Variants in PTCH1 observed in about 807,000 individuals in gnomAD.
The protein encoded by PTCH1 is protein patched homolog 1.
PTCH1 carries 14 observed loss-of-function variants against 144.6 expected under a neutral mutation model. That is an observed-to-expected ratio of 0.10 (90% CI 0.06 to 0.15). PTCH1 has a LOEUF of 0.15. PTCH1 is among the 10% of genes least tolerant of loss of function. PTCH1 has a pLI of 1.00. For missense variants in PTCH1, 1,623 were observed against 1,948.3 expected, an observed-to-expected ratio of 0.83 and a Z score of 3.14; for synonymous variants, 833 against 793.6, an observed-to-expected ratio of 1.05 and a Z score of -0.83.
chr9:95,506,779 G>C, intron 1 of PTCH1, 180 bp from the exon 2 acceptor site: 3 of 1,074,458 alleles, frequency 2.8e-6, no homozygotes, highest in Non-Finnish European at 3.6e-6. Context: ...GGGGGGCTCG[G>C]TCATAAAGCC....
Position 95,476,305 on chromosome 9 carries a change from T to C in PTCH1, c.1603-146A>G. ...ATTAGGGAAACAGAGCCACCTGCCTTACCCCCTAACACCAGCATTATTCAG... is the reference window on the plus strand; with the variant it reads ...ATTAGGGAAACAGAGCCACCTGCCTCACCCCCTAACACCAGCATTATTCAG... On this transcript the variant is annotated intron_variant, in intron 11 of 23. Coordinates refer to ENST00000331920, the MANE Select transcript of PTCH1 (RefSeq NM_000264.5). This position sits in a 1 kb window ranked among gnomAD's most constrained non-coding sequence, Gnocchi z 4.6. The C allele has an allele frequency of 8.6e-7, 1 of 1,163,972 alleles. No individual in the cohort carries two copies. The highest frequency in any genetic ancestry group is 1.2e-6 in the Non-Finnish European group (1 of 809,698). 72.1% of individuals were successfully genotyped at this position (1,163,972 alleles called of 1,614,324 possible).
intron 16 of PTCH1, 76 bp from the exon 17 acceptor site, chr9:95,459,859 A>T: frequency 6.7e-7 from 1 of 1,502,964 alleles, no homozygotes; most frequent in Non-Finnish European, 9.2e-7. Flanking sequence ...AGAGCACAGA[A>T]GCTGAGCTTC....
At chr9:95,461,492 T>C (rs376313773) in intron 16 of PTCH1, among the ~76,000 whole-genome samples, 29 of 152,302 alleles carry the variant, frequency 1.9e-4, no homozygotes, top group African/African-American at 6.5e-4. Context: ...CAAGCTTGAA[T>C]ACCATCAAGA....
In PTCH1 at chr9:95,449,158, G is replaced by A. The variant is rs758411912; in HGVS notation, c.3715C>T (p.Arg1239Trp). ...TTVSGLSEEL[R>W]HYEAQQGAGG... is the part of the protein sequence containing the mutation. ...GCGCCCTGCTGGGCCTCGTAGTGCC[G>A]AAGCTCCTCGCTGAGGCCTGACACT... Residue 1239 changes from arginine (R) to tryptophan (W), a missense_variant, in exon 22 of 24, where the codon CGG (arginine) becomes TGG (tryptophan). Physicochemically the swap from Arg to Trp is moderately radical, Grantham distance 101 (BLOSUM62 -3). Around this residue, in one of 7 missense-constraint regions of PTCH1, gnomAD observed 504 missense variants for 679.3 expected, o/e 0.74. Coordinates refer to ENST00000331920, the MANE Select transcript of PTCH1 (RefSeq NM_000264.5). This position sits in a 1 kb window ranked among gnomAD's most constrained non-coding sequence, Gnocchi z 5.3. 14 of 1,613,414 alleles carry A rather than the reference G, an allele frequency of 8.7e-6. No individual in the cohort carries two copies. The highest frequency in any genetic ancestry group is 1.1e-5 in the South Asian group (1 of 90,934).
intron 22 of PTCH1, among the ~76,000 whole-genome samples, chr9:95,448,517 G>A (rs894144586): frequency 6.6e-6 from 1 of 152,172 alleles, no homozygotes; most frequent in African/African-American, 2.4e-5. Flanking sequence ...CTCAGGGGTG[G>A]TTCTTGGCCT....
chr9:95,453,276 C>A, intron 20 of PTCH1: 1 of 638,526 alleles, frequency 1.6e-6, no homozygotes, highest in South Asian at 1.8e-5. Context: ...GGATTACAGG[C>A]ACCCACCACC....
chr9:95,447,481 T>C (rs758788475), intron 22 of PTCH1, 30 bp from the exon 23 acceptor site: 2 of 1,522,996 alleles, frequency 1.3e-6, no homozygotes, highest in Admixed American at 2.1e-5. Context: ...GTTAGAAGGG[T>C]GGTATCCCAG....
At position 95,449,021 on chromosome 9, in the gene PTCH1, C is replaced by G. The variant is rs141443540; in HGVS notation, c.3804+48G>C. ...AGCCCCCGCTGGACCTCCAGGCCCACTACCACGGTGGGAAGACCCCTCCCC... is the reference window on the plus strand; with the variant it reads ...AGCCCCCGCTGGACCTCCAGGCCCAGTACCACGGTGGGAAGACCCCTCCCC... On this transcript the variant is annotated intron_variant, in intron 22 of 23. Coordinates refer to ENST00000331920, the MANE Select transcript of PTCH1 (RefSeq NM_000264.5). This position sits in a 1 kb window ranked among gnomAD's most constrained non-coding sequence, Gnocchi z 5.3. 1.1e-3 allele frequency: 1,731 copies of G among 1,611,202 alleles called. 2 individuals are homozygous for G. The highest frequency in any genetic ancestry group is 1.3e-3 in the Non-Finnish European group (1,473 of 1,177,762).
chr9:95,516,224 G>A (rs1844356222), intron 1 of PTCH1, among the ~76,000 whole-genome samples: 1 of 149,254 alleles, frequency 6.7e-6, no homozygotes, highest in South Asian at 2.1e-4. Context: ...GGCTGGCCTC[G>A]GGGGCGGGGG....
Position 95,447,019 on chromosome 9 carries a change from G to A in PTCH1, c.4237C>T (p.His1413Tyr), listed in dbSNP as rs772886108. Residue 1413 changes from histidine (H) to tyrosine (Y), a missense_variant, in exon 23 of 24, where the codon CAC (histidine) becomes TAC (tyrosine). Physicochemically the swap from His to Tyr is moderately conservative, Grantham distance 83. This residue lies in a region of PTCH1 where 291 missense variants were observed against 287.4 expected (regional missense o/e 1.01). Coordinates refer to ENST00000331920, the MANE Select transcript of PTCH1 (RefSeq NM_000264.5). ...ETDHGLFEDP[H>Y]VPFHVRCERR... ...TCACACCGGACGTGGAAAGGCACGT[G>A]GGGGTCCTCAAACAGGCCGTGGTCA... 3.7e-6 allele frequency: 6 copies of A among 1,614,242 alleles called. 1 individual carries two copies. The South Asian group carries it at 6.6e-5, about 18-fold the overall frequency.
In PTCH1 at chr9:95,476,188, G is replaced by C; in HGVS notation, c.1603-29C>G. 6.2e-7 allele frequency: 1 copy of C among 1,602,626 alleles called. No homozygotes were observed. Among genetic ancestry groups the C allele is most frequent in the South Asian group, 1.1e-5 (1 of 89,276 alleles). On this transcript the variant is annotated intron_variant, in intron 11 of 23. Coordinates refer to ENST00000331920, the MANE Select transcript of PTCH1 (RefSeq NM_000264.5). The surrounding 1 kb of genome is among the most constrained non-coding windows in gnomAD (Gnocchi z 4.6). ...GGAATAAAAAAACACAGCGCTGAGA[G>C]CTGCACTGGACATGGTCCCCTTGGA...
chr9:95,481,756 G>T, intron 5 of PTCH1, 193 bp downstream of exon 5: 1 of 623,290 alleles, frequency 1.6e-6, no homozygotes, highest in Non-Finnish European at 2.8e-6. Context: ...CTACAGAATT[G>T]TTTTTTGAAA....
At chr9:95,446,857 C>T in intron 23 of PTCH1, 54 bp downstream of exon 23, 1 of 1,606,786 alleles carries the variant, frequency 6.2e-7, no homozygotes, top group Non-Finnish European at 8.5e-7. Flanking sequence ...AGAACCTTGT[C>T]CTCCTCTTTG....
chr9:95,464,468 G>T (rs757257322), intron 15 of PTCH1, among the ~76,000 whole-genome samples: 9 of 152,096 alleles, frequency 5.9e-5, no homozygotes, highest in Admixed American at 2.0e-4. Flanking sequence ...TAAAGTTCTA[G>T]GCCAAAGGAA....
intron 20 of PTCH1, chr9:95,452,517 A>C (rs1306181533): frequency 6.6e-6 from 1 of 152,166 alleles, no homozygotes; most frequent in Non-Finnish European, 1.5e-5. Flanking sequence ...GTCCCTCACA[A>C]AGCCATGGAG....
chr9:95,459,104 G>A (rs1159075922), intron 17 of PTCH1, among the ~76,000 whole-genome samples: 1 of 152,210 alleles, frequency 6.6e-6, no homozygotes, highest in African/African-American at 2.4e-5. Context: ...GGGCTGAGAG[G>A]TGAAAGGAAG....
rs1156659633 is a variant in PTCH1 at position 95,508,767 on chromosome 9, C to T, written c.-406G>A. ...CCTACCCGCCCCCCGCCCCGCGCCG[C>T]GACCCCTTCACTGCAGAAAGAGCCA... On this transcript the variant is annotated 5_prime_UTR_variant, in exon 1 of 24. Coordinates refer to ENST00000331920, the MANE Select transcript of PTCH1 (RefSeq NM_000264.5). 5.1e-6 allele frequency: 5 copies of T among 982,334 alleles called. No homozygotes were observed. Among genetic ancestry groups the T allele is most frequent in the Non-Finnish European group, 4.8e-6 (4 of 827,500 alleles). The allele number at this position is 982,334 out of a possible 1,614,324, so 60.9% of individuals were successfully genotyped here.
chr9:95,474,323 C>T (rs993231631), intron 12 of PTCH1, among the ~76,000 whole-genome samples: 4 of 151,966 alleles, frequency 2.6e-5, no homozygotes, highest in African/African-American at 7.3e-5. Flanking sequence ...ACCGGCTGCA[C>T]GTGAAATGAG....
At chr9:95,462,314 G>A (rs576973445) in intron 15 of PTCH1, among the ~76,000 whole-genome samples, 3 of 152,284 alleles carry the variant, frequency 2.0e-5, no homozygotes, top group Admixed American at 2.0e-4. Flanking sequence ...GCAAGAGTGC[G>A]ACGGAAAGAC....
Sources: allele counts gnomAD v4.1 joint callset (sites outside exome capture counted in the v4.1 genomes callset), GRCh38; gene constraint gnomAD v4.1.1; regional missense constraint gnomAD v4.1.1; non-coding constraint Gnocchi (gnomAD v3.1); transcripts MANE v1.5; gene names NCBI Gene and HGNC (gene_info 2026-07-23, HGNC 2026-07-21).